CSMD1: variants seen among roughly 807,000 people sequenced by gnomAD.
CSMD1 encodes the protein CUB and Sushi multiple domains 1.
Under a neutral mutation model 417.5 loss-of-function variants are expected in CSMD1, and 213 were observed. That is an observed-to-expected ratio of 0.51 (90% CI 0.46 to 0.57). The LOEUF is 0.57. Among genes scored for constraint, CSMD1 ranks in the 20% least tolerant of loss-of-function variants. The pLI is 0.00. For missense variants in CSMD1, 6,923 were observed against 4,529.7 expected, an observed-to-expected ratio of 1.53 and a Z score of -15.17; for synonymous variants, 2,862 against 1,736.8, an observed-to-expected ratio of 1.65 and a Z score of -16.11.
chr8:4,870,869 T>C (rs1301727463), intron 1 of CSMD1, among the ~76,000 whole-genome samples: 3 of 152,142 alleles, frequency 2.0e-5, no homozygotes, highest in Non-Finnish European at 2.9e-5. Context: ...TGTCCCACAG[T>C]TCCTGATTGT....
chr8:3,837,417 C>A (rs896357913), intron 5 of CSMD1, among the ~76,000 whole-genome samples: 5 of 152,072 alleles, frequency 3.3e-5, no homozygotes. Context: ...TCTCAAAGGA[C>A]TGCCTACGTC....
intron 10 of CSMD1, among the ~76,000 whole-genome samples, chr8:3,503,697 T>G (rs946790401): frequency 6.6e-6 from 1 of 152,208 alleles, no homozygotes; most frequent in African/African-American, 2.4e-5. Context: ...AGAAGCTGGA[T>G]GTCCCCCATC....
chr8:4,704,013 G>T (rs923248136), intron 1 of CSMD1, among the ~76,000 whole-genome samples: 8 of 152,136 alleles, frequency 5.3e-5, no homozygotes, highest in Non-Finnish European at 7.3e-5. Flanking sequence ...TGCCGATGCC[G>T]ATGTGAGACG....
chr8:3,424,563 C>T (rs1008145591), intron 12 of CSMD1, among the ~76,000 whole-genome samples: 22 of 152,164 alleles, frequency 1.4e-4, no homozygotes, highest in African/African-American at 4.6e-4. Flanking sequence ...TGTAATTACA[C>T]TTAGTAAAAC....
chr8:3,833,501 C>A (rs1158989296), intron 5 of CSMD1, among the ~76,000 whole-genome samples: 1 of 152,112 alleles, frequency 6.6e-6, no homozygotes, highest in Non-Finnish European at 1.5e-5. Context: ...AAAGCCCTTT[C>A]CTCATTCATA....
intron 5 of CSMD1, among the ~76,000 whole-genome samples, chr8:3,756,310 G>A (rs1235246421): frequency 2.9e-4 from 43 of 150,086 alleles, no homozygotes; most frequent in South Asian, 8.5e-4. Flanking sequence ...CTGAGATCGC[G>A]CCACTGCACT....
chr8:3,112,209 G>C (rs977677574), intron 42 of CSMD1, among the ~76,000 whole-genome samples: 4 of 152,098 alleles, frequency 2.6e-5, no homozygotes, highest in African/African-American at 9.7e-5. Context: ...TGGTGAATTA[G>C]AGAATAACCA....
chr8:3,387,882 T>C lies in CSMD1; in HGVS notation c.2594-200A>G, dbSNP rs558548070. 8.1e-4 allele frequency among the ~76,000 whole-genome samples: 123 copies of C among 152,354 alleles called. 2 individuals carry two copies. In the South Asian group the frequency reaches 0.024, roughly 30 times the overall value. ...TCGTTTTTTAAAAGAGAGATTTATATTGTTATGCTGTTTACCAGATATTAT... is the reference window on the plus strand; with the variant it reads ...TCGTTTTTTAAAAGAGAGATTTATACTGTTATGCTGTTTACCAGATATTAT... On this transcript the variant is annotated intron_variant, in intron 17 of 69. Transcript: ENST00000635120.
At chr8:4,310,455 T>C (rs1798498084) in intron 3 of CSMD1, among the ~76,000 whole-genome samples, 1 of 152,226 alleles carries the variant, frequency 6.6e-6, no homozygotes, top group African/African-American at 2.4e-5. Context: ...GTAGGAAGGA[T>C]GAACAGCATG....
chr8:3,069,005 G>A (rs1227991825), intron 49 of CSMD1, among the ~76,000 whole-genome samples: 4 of 152,102 alleles, frequency 2.6e-5, no homozygotes, highest in African/African-American at 9.7e-5. Context: ...AGCCTCATCT[G>A]AGACAAGGAG....
rs549971825 is a variant in CSMD1 at position 3,459,757 on chromosome 8, A to G, written c.1561+8955T>C. ...CACTCAAGAATGAGGCTGCCGGCAC[A>G]TGAACAGATTTGGGTCCAGGAATCA... On this transcript the variant is annotated intron_variant, in intron 12 of 69. Transcript: ENST00000635120. 3.3e-5 allele frequency among the ~76,000 whole-genome samples: 5 copies of G among 152,266 alleles called. No homozygotes were observed. The South Asian group carries it at 8.3e-4, about 25-fold the overall frequency.
chr8:4,810,936 G>A (rs527994559), intron 1 of CSMD1, among the ~76,000 whole-genome samples: 1 of 152,262 alleles, frequency 6.6e-6, no homozygotes, highest in East Asian at 1.9e-4. Context: ...TGAGATTAAA[G>A]AATGGCATAA....
chr8:4,275,102 C>T (rs1003364780), intron 3 of CSMD1, among the ~76,000 whole-genome samples: 1 of 152,058 alleles, frequency 6.6e-6, no homozygotes, highest in South Asian at 2.1e-4. Context: ...CAAATGAAAG[C>T]CCTTGGCCTT....
At chr8:3,422,006 G>T (rs539267244) in intron 12 of CSMD1, among the ~76,000 whole-genome samples, 2 of 149,922 alleles carry the variant, frequency 1.3e-5, no homozygotes, top group Admixed American at 6.6e-5. Flanking sequence ...GAGCCACCGC[G>T]CCCGGCCCCA....
chr8:4,099,083 A>G (rs931009470), intron 3 of CSMD1, among the ~76,000 whole-genome samples: 7 of 151,754 alleles, frequency 4.6e-5, no homozygotes, highest in African/African-American at 1.7e-4. Context: ...TCTAGACATT[A>G]TTTTCATCTG....
chr8:3,410,162 A>G (rs1812593178), intron 12 of CSMD1, among the ~76,000 whole-genome samples: 1 of 152,366 alleles, frequency 6.6e-6, no homozygotes, highest in African/African-American at 2.4e-5. Context: ...CTGTAATAAC[A>G]TATGCGTCCA....
intron 5 of CSMD1, among the ~76,000 whole-genome samples, chr8:3,844,894 T>C (rs146999638): frequency 6.2e-4 from 94 of 152,236 alleles, no homozygotes; most frequent in African/African-American, 2.1e-3. Flanking sequence ...AAAATTCTTG[T>C]CAATATTTGT....
chr8:4,126,207 T>C (rs1013335190), intron 3 of CSMD1, among the ~76,000 whole-genome samples: 1 of 152,146 alleles, frequency 6.6e-6, no homozygotes, highest in Non-Finnish European at 1.5e-5. Context: ...GATCCCCAAA[T>C]GCTCTGGGAG....
chr8:2,995,150 T>C (rs886963928), intron 54 of CSMD1, among the ~76,000 whole-genome samples: 2 of 152,006 alleles, frequency 1.3e-5, no homozygotes, highest in Admixed American at 6.6e-5. Flanking sequence ...ACCTGACAAA[T>C]GACTATTACA....
Sources: gnomAD v4.1 joint callset for allele counts (sites outside exome capture counted in the v4.1 genomes callset) on GRCh38, gnomAD v4.1.1 for gene constraint, MANE v1.5 for transcripts, NCBI Gene and HGNC (gene_info 2026-07-23, HGNC 2026-07-21) for gene names.